The following SH3RF3 variants were observed in gnomAD, a reference collection of about 807,000 sequenced individuals.
The protein encoded by SH3RF3 is SH3 domain containing ring finger 3.
Under a neutral mutation model 66.3 loss-of-function variants are expected in SH3RF3, and 29 were observed. The observed-to-expected ratio is 0.44, with a 90% CI of 0.33 to 0.60. The LOEUF (loss-of-function observed/expected upper bound fraction) is 0.60. SH3RF3 is among the 20% of genes least tolerant of loss of function. SH3RF3 has a pLI of 0.04. For missense variants in SH3RF3, 1,194 were observed against 1,190.9 expected (o/e 1.00, Z -0.04); for synonymous variants, 583 against 532.0 (o/e 1.10, Z -1.32).
intron 8 of SH3RF3, among the ~76,000 whole-genome samples, chr2:109,477,568 G>A (rs949495603): frequency 4.6e-5 from 7 of 152,148 alleles, no homozygotes; most frequent in South Asian, 2.1e-4. Flanking sequence ...GGGTCACAGC[G>A]CCTGTTGTAG....
Position 109,490,816 on chromosome 2 carries a change from G to C in SH3RF3, c.2360G>C (p.Gly787Ala). The C allele has an allele frequency of 6.5e-7, 1 of 1,536,984 alleles. No homozygotes were observed. Among genetic ancestry groups the C allele is most frequent in the Non-Finnish European group, 8.7e-7 (1 of 1,146,814 alleles). ...GAGAGCGAGATGCAGGGTGCCATGG[G>C]GATGGAGCCTCTGCACAGGAAGGCA... ...PIESEMQGAM[G>A]MEPLHRKAGS... is the part of the protein sequence containing the mutation. The change falls in exon 9 of 10, where the codon GGG (glycine) becomes GCG (alanine). Residue 787 changes from glycine (G) to alanine (A), a missense_variant. Gly to Ala is a moderately conservative substitution (Grantham distance 60). Coordinates refer to ENST00000309415, the MANE Select transcript of SH3RF3 (RefSeq NM_001099289.3).
rs1048077000 is a variant in SH3RF3 at position 109,432,441 on chromosome 2, G to A, written c.1404-60G>A. 7.5e-6 allele frequency: 12 copies of A among 1,592,170 alleles called. No homozygotes were observed. The Admixed American group carries it at 1.0e-4, about 14-fold the overall frequency. On this transcript the variant is annotated intron_variant, in intron 5 of 9. Transcript: ENST00000309415. ...AAGACAACCTCCCCCCAGGAATGCC[G>A]GCCGGTCCCCTATCCCCAGGAGGGC...
intron 1 of SH3RF3, among the ~76,000 whole-genome samples, chr2:109,326,914 G>T (rs1682174206): frequency 6.6e-6 from 1 of 152,198 alleles, no homozygotes; most frequent in South Asian, 2.1e-4. Flanking sequence ...GAGCACGCTG[G>T]CTCTACCATT....
chr2:109,328,564 C>A (rs527910556), intron 1 of SH3RF3, among the ~76,000 whole-genome samples: 1 of 152,172 alleles, frequency 6.6e-6, no homozygotes, highest in African/African-American at 2.4e-5. Flanking sequence ...CCTCTGATTT[C>A]GACAGTGCAT....
intron 1 of SH3RF3, among the ~76,000 whole-genome samples, chr2:109,315,512 C>A (rs182508330): frequency 1.3e-5 from 2 of 152,248 alleles, no homozygotes; most frequent in Non-Finnish European, 2.9e-5. Context: ...TGAAAATGTG[C>A]ATATACAGAA....
At chr2:109,493,820 C>T (rs372853695) in intron 9 of SH3RF3, among the ~76,000 whole-genome samples, 1 of 152,126 alleles carries the variant, frequency 6.6e-6, no homozygotes, top group Non-Finnish European at 1.5e-5. Context: ...ACACACTATA[C>T]ACAAATTGTA....
chr2:109,140,908 C>G (rs1412975077), intron 1 of SH3RF3, among the ~76,000 whole-genome samples: 1 of 152,166 alleles, frequency 6.6e-6, no homozygotes, highest in Non-Finnish European at 1.5e-5. Context: ...CTGCTGTAAA[C>G]AACTTCATGG....
chr2:109,332,519 G>C (rs958129853), intron 1 of SH3RF3, among the ~76,000 whole-genome samples: 9 of 152,200 alleles, frequency 5.9e-5, no homozygotes, highest in African/African-American at 2.2e-4. Context: ...CAGGATGTGT[G>C]AGGAACAGAG....
chr2:109,302,212 T>C (rs568571106), intron 1 of SH3RF3, among the ~76,000 whole-genome samples: 2 of 152,332 alleles, frequency 1.3e-5, no homozygotes, highest in East Asian at 3.9e-4. Context: ...ACATGCAATT[T>C]GTGGTGTGTG....
At chr2:109,191,076 C>T (rs1008638533) in intron 1 of SH3RF3, among the ~76,000 whole-genome samples, 1 of 151,960 alleles carries the variant, frequency 6.6e-6, no homozygotes, top group Non-Finnish European at 1.5e-5. Flanking sequence ...CTGTTGTATT[C>T]GGAAAGTAGC....
intron 8 of SH3RF3, among the ~76,000 whole-genome samples, chr2:109,478,630 T>C (rs2104754779): frequency 6.6e-6 from 1 of 152,332 alleles, no homozygotes; most frequent in East Asian, 1.9e-4. Flanking sequence ...AAGAAGTTTG[T>C]TGGAATGCGC....
intron 1 of SH3RF3, among the ~76,000 whole-genome samples, chr2:109,156,350 A>G (rs373882646): frequency 2.6e-5 from 4 of 151,980 alleles, no homozygotes; most frequent in Non-Finnish European, 5.9e-5. Context: ...TCTCTCCTAG[A>G]TGGTGATCTT....
At chr2:109,487,285 G>A (rs558053385) in intron 8 of SH3RF3, among the ~76,000 whole-genome samples, 10 of 152,246 alleles carry the variant, frequency 6.6e-5, no homozygotes, top group South Asian at 2.1e-4. Context: ...GCCTCTCCCC[G>A]AGTACATGCC....
intron 1 of SH3RF3, chr2:109,251,472 G>A (rs940669963): frequency 3.1e-5 from 23 of 735,768 alleles, no homozygotes; most frequent in Non-Finnish European, 5.9e-5. Context: ...ACAAGAAGTT[G>A]TCATTGAAAT....
chr2:109,454,953 G>A (rs1316871240), intron 8 of SH3RF3, among the ~76,000 whole-genome samples: 1 of 152,110 alleles, frequency 6.6e-6, no homozygotes, highest in African/African-American at 2.4e-5. Flanking sequence ...CTCTTTATGG[G>A]TGTGGTAGTT....
rs1439128355 is a variant in SH3RF3, at chr2:109,490,825, C to T, written c.2369C>T (p.Pro790Leu). ...SEMQGAMGME[P>L]LHRKAGSLDL... ...ATGCAGGGTGCCATGGGGATGGAGC[C>T]TCTGCACAGGAAGGCAGGCTCCTTG... Residue 790 changes from proline (P) to leucine (L), a missense_variant, in exon 9 of 10, where the codon CCT (proline) becomes CTT (leucine). Physicochemically the swap from Pro to Leu is moderately conservative, Grantham distance 98 (BLOSUM62 -3). Coordinates refer to ENST00000309415, the MANE Select transcript of SH3RF3 (RefSeq NM_001099289.3). The T allele has an allele frequency of 1.3e-6, 2 of 1,536,886 alleles. No individual in the cohort carries two copies. Among genetic ancestry groups the T allele is most frequent in the African/African-American group, 2.7e-5 (2 of 73,052 alleles).
chr2:109,309,760 G>A (rs1681683410), intron 1 of SH3RF3, among the ~76,000 whole-genome samples: 2 of 125,600 alleles, frequency 1.6e-5, no homozygotes, highest in East Asian at 2.2e-4. Context: ...TTATATAATG[G>A]TAAAGGGATC....
Position 109,129,600 on chromosome 2 carries a change from C to A in SH3RF3, c.60C>A (p.Ser20Arg). The A allele has an allele frequency of 6.8e-7, 1 of 1,480,002 alleles. No individual in the cohort carries two copies. The highest frequency in any genetic ancestry group is 8.9e-7 in the Non-Finnish European group (1 of 1,124,580). The allele number at this position is 1,480,002 out of a possible 1,614,324, so 91.7% of individuals were successfully genotyped here. The change falls in exon 1 of 10, where the codon AGC becomes AGA. Residue 20 changes from serine to arginine, a missense_variant. Physicochemically the swap from Ser to Arg is moderately radical, Grantham distance 110 (BLOSUM62 -1). Transcript: ENST00000309415. The stretch of plus-strand genomic sequence containing the variant: ...AGGCGGCCGCCGCTGCTGCGCAGAG[C>A]GAGGGCGACGAGGACAGGCCAGGCG... ...ASKAAAAAAQ[S>R]EGDEDRPGER... is the part of the protein sequence containing the mutation.
intron 1 of SH3RF3, among the ~76,000 whole-genome samples, chr2:109,340,181 C>T (rs1187479518): frequency 6.6e-6 from 1 of 152,158 alleles, no homozygotes; most frequent in Non-Finnish European, 1.5e-5. Context: ...GTCAGACCAC[C>T]TGGATCCAGT....
Sources: gnomAD v4.1 joint callset for allele counts (sites outside exome capture counted in the v4.1 genomes callset) on GRCh38, gnomAD v4.1.1 for gene constraint, MANE v1.5 for transcripts, NCBI Gene and HGNC (gene_info 2026-07-23, HGNC 2026-07-21) for gene names.